Variants in DGKB observed in about 807,000 individuals in gnomAD.
DGKB encodes diacylglycerol kinase beta, also known as 90 kDa diacylglycerol kinase.
A neutral mutation model predicts 114.3 loss-of-function variants in DGKB; 67 were observed. The ratio of observed to expected loss-of-function variants is 0.59; its 90% CI spans 0.48 to 0.72. The LOEUF (loss-of-function observed/expected upper bound fraction) is 0.72, where lower values mean the gene tolerates loss of function less well. Among genes scored for constraint, DGKB ranks in the 30% least tolerant of loss-of-function variants. The pLI is 0.00. For missense variants in DGKB, 907 were observed against 975.2 expected (o/e 0.93, Z 0.93); for synonymous variants, 398 against 323.1 (o/e 1.23, Z -2.49).
At chr7:14,183,700 GT>G (rs1782970079) in intron 23 of DGKB, among the ~76,000 whole-genome samples, 1 of 152,144 alleles carries the variant, frequency 6.6e-6, no homozygotes, top group African/African-American at 2.4e-5. Flanking sequence ...TGAAAATCTG[GT>G]TTTCTAAATA....
intron 23 of DGKB, among the ~76,000 whole-genome samples, chr7:14,236,326 A>G (rs1323616770): frequency 6.7e-6 from 1 of 150,034 alleles, no homozygotes; most frequent in African/African-American, 2.5e-5. Flanking sequence ...AAAAATGGAG[A>G]GTATTCATTC....
chr7:14,693,784 G>C (rs940481173), intron 9 of DGKB, among the ~76,000 whole-genome samples: 20 of 152,022 alleles, frequency 1.3e-4, no homozygotes, highest in Non-Finnish European at 2.8e-4. Flanking sequence ...ATAATATGAG[G>C]AGGTCAGTAA....
chr7:14,495,067 A>G lies in DGKB; in HGVS notation c.1771-16842T>C, dbSNP rs146367605. Among the ~76,000 whole-genome samples the G allele has an allele frequency of 2.2e-3, 335 of 152,010 alleles. 1 individual carries two copies. The highest frequency in any genetic ancestry group is 7.6e-3 in the African/African-American group (317 of 41,540). ...ATTTTCTGTTGCTTAAATGAAAAGT[A>G]CAAATATATTCCTATTGTATTTCAA... On this transcript the variant is annotated intron_variant, in intron 20 of 25. Transcript: ENST00000402815.
At position 14,637,716 on chromosome 7, in the gene DGKB, TGA is replaced by T. The variant is rs540173863; in HGVS notation, c.1135-7450_1135-7449del. 1.9e-3 allele frequency among the ~76,000 whole-genome samples: 282 copies of T among 151,878 alleles called. 1 individual carries two copies. Among genetic ancestry groups the T allele is most frequent in the African/African-American group, 6.5e-3 (270 of 41,490 alleles). ...AACTCATCTTGGTGGAGACCAAAAG[TGA>T]GAGAAATAATGGTTCCACTCTGCTA... On this transcript the variant is annotated intron_variant, in intron 13 of 25. Coordinates refer to ENST00000402815, the MANE Select transcript of DGKB (RefSeq NM_001350709.2).
At chr7:14,474,009 T>C (rs1781802499) in intron 21 of DGKB, among the ~76,000 whole-genome samples, 1 of 152,212 alleles carries the variant, frequency 6.6e-6, no homozygotes, top group Admixed American at 6.5e-5. Context: ...TTTGAGTTAA[T>C]GCTGAAATGA....
At chr7:14,499,707 T>C (rs1285162191) in intron 20 of DGKB, among the ~76,000 whole-genome samples, 1 of 151,856 alleles carries the variant, frequency 6.6e-6, no homozygotes, top group Non-Finnish European at 1.5e-5. Flanking sequence ...TCATGATTCC[T>C]AGTACATAAC....
chr7:14,408,468 A>T (rs1020587072), intron 21 of DGKB, among the ~76,000 whole-genome samples: 1 of 152,154 alleles, frequency 6.6e-6, no homozygotes, highest in African/African-American at 2.4e-5. Flanking sequence ...ATTAACCACA[A>T]TATTAATGCT....
intron 23 of DGKB, among the ~76,000 whole-genome samples, chr7:14,205,419 G>A (rs1584438879): frequency 6.6e-6 from 1 of 151,616 alleles, no homozygotes; most frequent in African/African-American, 2.4e-5. Flanking sequence ...TCTTTCTTGG[G>A]GACACCTCAT....
Position 14,564,323 on chromosome 7 carries a change from A to C in DGKB, c.1770+9889T>G, listed in dbSNP as rs192319539. ...CTAACCTCTTCCTTCCTCTAAGTAA[A>C]GCTGGGGGTTGAGGGTTTTCTTACT... On this transcript the variant is annotated intron_variant, in intron 20 of 25. Coordinates refer to ENST00000402815, the MANE Select transcript of DGKB (RefSeq NM_001350709.2). 1.1e-4 allele frequency among the ~76,000 whole-genome samples: 16 copies of C among 152,220 alleles called. 1 individual carries two copies. Among genetic ancestry groups the C allele is most frequent in the South Asian group, 8.3e-4 (4 of 4,822 alleles).
chr7:14,269,809 T>C (rs888152281), intron 23 of DGKB, among the ~76,000 whole-genome samples: 1 of 152,158 alleles, frequency 6.6e-6, no homozygotes, highest in Non-Finnish European at 1.5e-5. Context: ...TATTGTAATA[T>C]GATTTTAGTC....
Position 14,971,369 on chromosome 7 carries a change from C to T in DGKB, c.-188+3327G>A, listed in dbSNP as rs1211830941. On this transcript the variant is annotated intron_variant, in intron 1 of 4. Transcript: ENST00000437998. ...ATATTGCAGGAAATCAAGTTTCCTA[C>T]CTCCGTTTCCACTTCTGAATAATAT... Among the ~76,000 whole-genome samples the T allele has an allele frequency of 4.6e-5, 7 of 152,238 alleles. No homozygotes were observed. In the South Asian group the frequency reaches 1.5e-3, roughly 32 times the overall value.
At chr7:14,685,796 G>A (rs1451666958) in intron 9 of DGKB, among the ~76,000 whole-genome samples, 1 of 152,166 alleles carries the variant, frequency 6.6e-6, no homozygotes, top group Non-Finnish European at 1.5e-5. Context: ...TTGCTTACTA[G>A]TAGTAATATA....
At chr7:14,673,770 T>A (rs919730952) in intron 12 of DGKB, among the ~76,000 whole-genome samples, 2 of 152,088 alleles carry the variant, frequency 1.3e-5, no homozygotes, top group Non-Finnish European at 2.9e-5. Context: ...GGTAGTTTTT[T>A]AAAGAATTAC....
chr7:14,933,297 G>A (rs1444049729), intron 1 of DGKB, among the ~76,000 whole-genome samples: 2 of 151,988 alleles, frequency 1.3e-5, no homozygotes, highest in South Asian at 2.1e-4. Context: ...CAACCATTTC[G>A]TATCGCTGGT....
At chr7:14,414,374 A>T (rs185338156) in intron 21 of DGKB, among the ~76,000 whole-genome samples, 2 of 152,250 alleles carry the variant, frequency 1.3e-5, no homozygotes, top group African/African-American at 2.4e-5. Context: ...TGATAGTAAG[A>T]AGGTTATTTC....
chr7:14,217,815 C>T (rs1682816441), intron 23 of DGKB, among the ~76,000 whole-genome samples: 1 of 152,080 alleles, frequency 6.6e-6, no homozygotes, highest in Non-Finnish European at 1.5e-5. Context: ...TTAGGCTCTC[C>T]TCAAGACAGG....
At position 14,628,479 on chromosome 7, in the gene DGKB, A is replaced by G. The variant is rs150568498; in HGVS notation, c.1167+1757T>C. 6.6e-3 allele frequency among the ~76,000 whole-genome samples: 999 copies of G among 152,312 alleles called. 5 individuals carry two copies. The highest frequency in any genetic ancestry group is 9.6e-3 in the Non-Finnish European group (655 of 68,032). On this transcript the variant is annotated intron_variant, in intron 14 of 25. Transcript: ENST00000402815. ...AAAAGAATTGAAACTATTATAAGTGATAAGATTGTGATATATACAAGAAAG... is the reference window on the plus strand; with the variant it reads ...AAAAGAATTGAAACTATTATAAGTGGTAAGATTGTGATATATACAAGAAAG...
intron 23 of DGKB, among the ~76,000 whole-genome samples, chr7:14,225,489 G>A: frequency 6.6e-6 from 1 of 151,990 alleles, no homozygotes; most frequent in East Asian, 1.9e-4. Context: ...ACCAAGGAGT[G>A]GGTCCACAGA....
At chr7:14,509,806 T>A (rs1249169091) in intron 20 of DGKB, among the ~76,000 whole-genome samples, 1 of 152,200 alleles carries the variant, frequency 6.6e-6, no homozygotes, top group African/African-American at 2.4e-5. Flanking sequence ...TGCTGGGTGG[T>A]GTGGGGCTGG....
Sources: gnomAD v4.1 joint callset for allele counts (sites outside exome capture counted in the v4.1 genomes callset) on GRCh38, gnomAD v4.1.1 for gene constraint, MANE v1.5 for transcripts, NCBI Gene and HGNC (gene_info 2026-07-23, HGNC 2026-07-21) for gene names.